The following CLTCL1 variants were observed in gnomAD, a reference collection of about 807,000 sequenced individuals.
CLTCL1 encodes the protein clathrin heavy chain 2.
In CLTCL1, 159 loss-of-function variants were observed where a neutral mutation model predicts 190.0. That is an observed-to-expected ratio of 0.84 (90% CI 0.74 to 0.95). The LOEUF is 0.95. CLTCL1 is among the 40% of genes least tolerant of loss of function. The pLI is 0.00. For synonymous variants in CLTCL1, 752 were observed against 769.6 expected (o/e 0.98, Z 0.38); for missense variants, 1,878 against 2,033.4 (o/e 0.92, Z 1.47).
chr22:19,274,949 G>A (rs549674101), intron 2 of CLTCL1, among the ~76,000 whole-genome samples: 13 of 151,808 alleles, frequency 8.6e-5, no homozygotes, highest in African/African-American at 2.9e-4. Context: ...GCTAGTCTTC[G>A]AACTCCCAAC....
chr22:19,188,077 G>C lies in CLTCL1; in HGVS notation c.4338C>G (p.Pro1446=). 1 of 1,614,036 alleles carries C rather than the reference G, an allele frequency of 6.2e-7. No individual in the cohort carries two copies. The highest frequency in any genetic ancestry group is 8.5e-7 in the Non-Finnish European group (1 of 1,179,884). The part of the protein sequence containing the change: ...VSFFSKAGQL[P]LVKPYLRSVQ... ...CTGACCGCAGGTAAGGCTTCACCAGGGGCAGCTGACCTGCCTGACAAGTTG... is the reference window on the plus strand; with the variant it reads ...CTGACCGCAGGTAAGGCTTCACCAGCGGCAGCTGACCTGCCTGACAAGTTG... The change falls in exon 28 of 33, where the codon CCC becomes CCG. Residue 1446 remains proline, a synonymous_variant. Transcript: ENST00000427926.
chr22:19,277,026 T>C (rs2087539484), intron 1 of CLTCL1, among the ~76,000 whole-genome samples: 3 of 152,174 alleles, frequency 2.0e-5, no homozygotes, highest in African/African-American at 7.2e-5. Context: ...CTGCTACTGA[T>C]TGGACCACTT....
chr22:19,245,174 C>G, intron 3 of CLTCL1, among the ~76,000 whole-genome samples: 1 of 151,516 alleles, frequency 6.6e-6, no homozygotes, highest in Non-Finnish European at 1.5e-5. Context: ...CCCATGTTCC[C>G]CTCTCCCCCT....
intron 29 of CLTCL1, 86 bp from the exon 30 acceptor site, chr22:19,183,697 C>A: frequency 7.8e-7 from 1 of 1,287,762 alleles, no homozygotes; most frequent in South Asian, 1.3e-5. Flanking sequence ...CAGGGAGTGG[C>A]ACTAGACTCC....
chr22:19,235,971 G>GT, intron 5 of CLTCL1, 102 bp from the exon 6 acceptor site: 3 of 1,111,376 alleles, frequency 2.7e-6, no homozygotes, highest in Admixed American at 2.6e-5. Flanking sequence ...TTGTTTGTTT[G>GT]TTTTTTGAGA....
chr22:19,222,139 T>C lies in CLTCL1; in HGVS notation c.2419-46A>G, dbSNP rs782149289. 2.5e-6 allele frequency: 4 copies of C among 1,606,470 alleles called. No individual in the cohort carries two copies. The African/African-American group carries it at 5.4e-5, about 22-fold the overall frequency. ...TAACTTCAGTGTTGCAAACACAAGT[T>C]ATTGTTAGAAGCCTCCTACGACGTG... On this transcript the variant is annotated intron_variant, in intron 15 of 32. Coordinates refer to ENST00000427926, the MANE Select transcript of CLTCL1 (RefSeq NM_007098.4).
At chr22:19,222,248 C>T (rs1463775642) in intron 15 of CLTCL1, among the ~76,000 whole-genome samples, 155 bp from the exon 16 acceptor site, 5 of 152,172 alleles carry the variant, frequency 3.3e-5, no homozygotes, top group Admixed American at 6.5e-5. Flanking sequence ...TGTCCTAACC[C>T]CTAGTGGGAT....
At chr22:19,253,260 T>C (rs2086652830) in intron 3 of CLTCL1, among the ~76,000 whole-genome samples, 1 of 152,108 alleles carries the variant, frequency 6.6e-6, no homozygotes, top group African/African-American at 2.4e-5. Context: ...GGGCCAGAGA[T>C]GCCAGGAAGG....
intron 22 of CLTCL1, among the ~76,000 whole-genome samples, chr22:19,207,223 A>C (rs1555943278): frequency 6.6e-6 from 1 of 151,162 alleles, no homozygotes; most frequent in Non-Finnish European, 1.5e-5. Flanking sequence ...TGCCATGTTG[A>C]CCAGGTTGGT....
intron 2 of CLTCL1, among the ~76,000 whole-genome samples, chr22:19,271,367 C>A (rs1343645074): frequency 6.6e-6 from 1 of 152,006 alleles, no homozygotes; most frequent in Non-Finnish European, 1.5e-5. Flanking sequence ...TGAGTTCTCA[C>A]GAGATCTGAT....
intron 13 of CLTCL1, among the ~76,000 whole-genome samples, chr22:19,224,861 C>T (rs1164595027): frequency 1.3e-5 from 2 of 152,212 alleles, no homozygotes; most frequent in African/African-American, 4.8e-5. Flanking sequence ...TGGCTTGATG[C>T]CTAGACAAAT....
intron 11 of CLTCL1, 77 bp downstream of exon 11, chr22:19,229,761 C>A: frequency 7.1e-7 from 1 of 1,416,462 alleles, no homozygotes; most frequent in Non-Finnish European, 9.3e-7. Context: ...AGTCCAAAGC[C>A]ACTGTGCTCA....
intron 5 of CLTCL1, among the ~76,000 whole-genome samples, chr22:19,238,211 TCCC>T (rs2086141770): frequency 2.0e-5 from 3 of 152,112 alleles, no homozygotes; most frequent in African/African-American, 7.2e-5. Context: ...TGCCTCAGCA[TCCC>T]ATGTAGCTGG....
intron 22 of CLTCL1, among the ~76,000 whole-genome samples, chr22:19,203,951 C>T (rs1555941339): frequency 6.6e-6 from 1 of 152,226 alleles, no homozygotes. Context: ...TGGCAGCACG[C>T]CCTGCCGGCT....
chr22:19,198,699 A>C lies in CLTCL1; in HGVS notation c.3873+1035T>G, dbSNP rs898068856. Among the ~76,000 whole-genome samples the C allele has an allele frequency of 6.6e-6, 1 of 152,174 alleles. No homozygotes were observed. Among genetic ancestry groups the C allele is most frequent in the South Asian group, 2.1e-4 (1 of 4,834 alleles). ...CCATCCAGGCACTCCTATGCCCTCAAACCGGCTCCATTTTCCTCTATAACT... is the reference window on the plus strand; with the variant it reads ...CCATCCAGGCACTCCTATGCCCTCACACCGGCTCCATTTTCCTCTATAACT... On this transcript the variant is annotated intron_variant, in intron 24 of 32. Transcript: ENST00000427926. The surrounding 1 kb of genome is among the most constrained non-coding windows in gnomAD (Gnocchi z 4.1).
intron 1 of CLTCL1, among the ~76,000 whole-genome samples, chr22:19,283,194 A>G (rs188777024): frequency 6.0e-4 from 91 of 150,878 alleles, no homozygotes; most frequent in African/African-American, 2.1e-3. Flanking sequence ...TTTTTTCACT[A>G]GTTAGTAGAA....
intron 14 of CLTCL1, among the ~76,000 whole-genome samples, chr22:19,223,277 A>G (rs949684426): frequency 2.0e-5 from 3 of 152,066 alleles, no homozygotes; most frequent in Non-Finnish European, 4.4e-5. Context: ...CCGTGCCTAG[A>G]TCACATTTTG....
rs141631598 is a variant in CLTCL1, at chr22:19,272,630, C to T, written c.250+2993G>A. On this transcript the variant is annotated intron_variant, in intron 2 of 32. Transcript: ENST00000427926. ...AGATTACAGGTGCACGCCACCACGC[C>T]CAGCTAATTTTTGTATTTTTAGTAG... is the stretch of plus-strand genomic sequence containing the variant. 9.3e-3 allele frequency among the ~76,000 whole-genome samples: 1,420 copies of T among 152,224 alleles called. 32 individuals are homozygous for T. The highest frequency in any genetic ancestry group is 0.066 in the East Asian group (339 of 5,164).
chr22:19,227,728 C>T (rs966702892), intron 11 of CLTCL1, among the ~76,000 whole-genome samples: 9 of 152,102 alleles, frequency 5.9e-5, no homozygotes, highest in East Asian at 3.9e-4. Context: ...GCTGGGATTA[C>T]AGGTGTGAGC....
Sources: allele counts gnomAD v4.1 joint callset (sites outside exome capture counted in the v4.1 genomes callset), GRCh38; gene constraint gnomAD v4.1.1; non-coding constraint Gnocchi (gnomAD v3.1); transcripts MANE v1.5; gene names NCBI Gene and HGNC (gene_info 2026-07-23, HGNC 2026-07-21).